CELF2: variants seen among roughly 807,000 people sequenced by gnomAD.
CELF2 encodes the protein CUG triplet repeat RNA-binding protein 2.
In CELF2, 8 loss-of-function variants were observed where a neutral mutation model predicts 62.6. The observed-to-expected ratio is 0.13, with a 90% CI of 0.07 to 0.23. The LOEUF is 0.23. Among genes scored for constraint, CELF2 ranks in the 10% least tolerant of loss-of-function variants. The probability of loss-of-function intolerance (pLI) is 1.00; values close to 1 mark genes in which losing one functional copy is unlikely to be tolerated. For missense variants in CELF2, 333 were observed against 671.0 expected (o/e 0.50, Z 5.56); for synonymous variants, 258 against 250.0 (o/e 1.03, Z -0.30).
rs142571685 is a variant in CELF2 at position 11,297,701 on chromosome 10, C to A, written c.976+9149C>A. ...AAATCTGTAATGGGGCCAGTCATGG[C>A]AGTTCACACCTGTAATCCCAGCACT... On this transcript the variant is annotated intron_variant, in intron 9 of 12. Transcript: ENST00000633077. This position sits in a 1 kb window ranked among gnomAD's most constrained non-coding sequence, Gnocchi z 4.4. Among the ~76,000 whole-genome samples, 197 of 152,328 alleles carry A rather than the reference C, an allele frequency of 1.3e-3. No individual in the cohort carries two copies. The highest frequency in any genetic ancestry group is 4.5e-3 in the African/African-American group (189 of 41,572).
chr10:11,076,530 T>C (rs750913042), intron 1 of CELF2, among the ~76,000 whole-genome samples: 17 of 152,202 alleles, frequency 1.1e-4, no homozygotes, highest in Non-Finnish European at 1.2e-4. Flanking sequence ...AGGTGAAAGC[T>C]TCTAAGAATG....
At position 11,244,685 on chromosome 10, in the gene CELF2, A is replaced by G. The variant is rs1353316121; in HGVS notation, c.355-4468A>G. ...AAAAAAAAAAAACAGCATAAAAACA[A>G]CAACAACTTCCGTTGCTTCCTCTGT... On this transcript the variant is annotated intron_variant, in intron 3 of 12. Transcript: ENST00000633077. This position sits in a 1 kb window ranked among gnomAD's most constrained non-coding sequence, Gnocchi z 4.2. Among the ~76,000 whole-genome samples, 3 of 151,800 alleles carry G rather than the reference A, an allele frequency of 2.0e-5. No homozygotes were observed. Among genetic ancestry groups the G allele is most frequent in the Admixed American group, 2.0e-4 (3 of 15,256 alleles).
the CELF2 span, among the ~76,000 whole-genome samples, chr10:10,722,476 A>G: frequency 6.6e-6 from 1 of 151,858 alleles, no homozygotes; most frequent in Admixed American, 6.6e-5. Flanking sequence ...AAAAGAAATT[A>G]AATAAGGGCA....
Position 11,025,941 on chromosome 10 carries a change from C to G in CELF2, c.74+7778C>G, listed in dbSNP as rs532077486. 8.1e-4 allele frequency among the ~76,000 whole-genome samples: 124 copies of G among 152,376 alleles called. 2 individuals carry two copies. The highest frequency in any genetic ancestry group is 2.8e-3 in the African/African-American group (116 of 41,588). ...CATGTTACTGGGTGAAAAGCTCAGA[C>G]TCTTTCCCTTTTGAGGGCCTCTTTT... On this transcript the variant is annotated intron_variant, in intron 1 of 12. Transcript: ENST00000633077.
chr10:10,506,748 C>A, the CELF2 span, among the ~76,000 whole-genome samples: 1 of 119,522 alleles, frequency 8.4e-6, no homozygotes, highest in South Asian at 2.9e-4. Flanking sequence ...GCAATCTTGG[C>A]TCACTGCAAC....
the CELF2 span, among the ~76,000 whole-genome samples, chr10:10,558,203 C>T: frequency 6.2e-4 from 95 of 152,228 alleles, no homozygotes; most frequent in African/African-American, 2.1e-3. Flanking sequence ...TTTTGAAATG[C>T]GTCCCATCAA....
chr10:10,784,695 A>G, the CELF2 span: 1 of 152,336 alleles, frequency 6.6e-6, no homozygotes, highest in East Asian at 1.9e-4. Context: ...TTTGGGGTTT[A>G]TGTGGGTACA....
At chr10:10,982,955 T>G (rs953881051) in intron 2 of CELF2, among the ~76,000 whole-genome samples, 1 of 152,212 alleles carries the variant, frequency 6.6e-6, no homozygotes, top group Non-Finnish European at 1.5e-5. Context: ...TGCTTTTGTA[T>G]GTATTCATTT....
intron 1 of CELF2, among the ~76,000 whole-genome samples, chr10:11,126,189 T>C (rs959862635): frequency 6.6e-6 from 1 of 152,220 alleles, no homozygotes; most frequent in Non-Finnish European, 1.5e-5. Flanking sequence ...CTCTGTGTTT[T>C]TATTTTTAAT....
At chr10:10,902,553 A>G (rs138616874) in intron 1 of CELF2, among the ~76,000 whole-genome samples, 124 of 152,334 alleles carry the variant, frequency 8.1e-4, no homozygotes, top group Non-Finnish European at 1.5e-3. Context: ...ATGGAAACTT[A>G]CGTAGAGTGA....
the CELF2 span, among the ~76,000 whole-genome samples, chr10:10,627,759 C>A: frequency 6.6e-6 from 1 of 152,210 alleles, no homozygotes; most frequent in African/African-American, 2.4e-5. Context: ...CTACACTTTT[C>A]ATTAAACTTT....
intron 1 of CELF2, among the ~76,000 whole-genome samples, chr10:10,904,641 C>G (rs2063191763): frequency 6.6e-6 from 1 of 152,178 alleles, no homozygotes; most frequent in Non-Finnish European, 1.5e-5. Flanking sequence ...CCTGGGCATG[C>G]AGGTTGTTTC....
At position 11,314,071 on chromosome 10, in the gene CELF2, G is replaced by A; in HGVS notation, c.977-68G>A. 1 of 1,486,206 alleles carries A rather than the reference G, an allele frequency of 6.7e-7. No homozygotes were observed. The highest frequency in any genetic ancestry group is 1.2e-5 in the South Asian group (1 of 80,982). 92.1% of individuals were successfully genotyped at this position (1,486,206 alleles called of 1,614,324 possible). A position where few individuals can be genotyped will look rare whatever the true frequency, so the allele number is the denominator to read the frequency against. ...CCGTCCACTGAGATGATGACAGAAG[G>A]ATTTCCAGTCTCGGCTCTCACTCAC... On this transcript the variant is annotated intron_variant, in intron 9 of 12. Coordinates refer to ENST00000633077, the MANE Select transcript of CELF2 (RefSeq NM_001326342.2). This position sits in a 1 kb window ranked among gnomAD's most constrained non-coding sequence, Gnocchi z 5.3.
At chr10:10,780,593 G>C in the CELF2 span, among the ~76,000 whole-genome samples, 2 of 152,154 alleles carry the variant, frequency 1.3e-5, no homozygotes, top group African/African-American at 2.4e-5. Flanking sequence ...CGATTCTCCT[G>C]CCTCAGCCTC....
chr10:10,736,022 T>C, the CELF2 span, among the ~76,000 whole-genome samples: 1 of 152,192 alleles, frequency 6.6e-6, no homozygotes, highest in Non-Finnish European at 1.5e-5. Context: ...CAAACCTCAA[T>C]GGATTTAATT....
chr10:11,118,361 CTT>C (rs2057017238), intron 1 of CELF2, among the ~76,000 whole-genome samples: 1 of 151,994 alleles, frequency 6.6e-6, no homozygotes, highest in Non-Finnish European at 1.5e-5. Flanking sequence ...TATGGGGAGT[CTT>C]TTTGTGTTGC....
At chr10:10,836,997 A>G (rs1423508656) in intron 1 of CELF2, among the ~76,000 whole-genome samples, 3 of 152,154 alleles carry the variant, frequency 2.0e-5, no homozygotes, top group Non-Finnish European at 4.4e-5. Flanking sequence ...AACTAATCCT[A>G]AGTATTTCTT....
At chr10:11,148,279 G>T (rs1446325272) in intron 1 of CELF2, among the ~76,000 whole-genome samples, 1 of 152,246 alleles carries the variant, frequency 6.6e-6, no homozygotes, top group African/African-American at 2.4e-5. Context: ...ACCCTAAGCT[G>T]TGGGCATTGC....
chr10:11,328,825 C>T lies in CELF2; in HGVS notation c.1439-101C>T, dbSNP rs1026462708. ...CTGTGCTGGGCCCGTGGGGCTGGCA[C>T]CTCATGCTGGCTCTTCAGCCTTCCC... On this transcript the variant is annotated intron_variant, in intron 12 of 12. Coordinates refer to ENST00000633077, the MANE Select transcript of CELF2 (RefSeq NM_001326342.2). This position sits in a 1 kb window ranked among gnomAD's most constrained non-coding sequence, Gnocchi z 6.4. 2.9e-6 allele frequency: 4 copies of T among 1,391,292 alleles called. No individual in the cohort carries two copies. The highest frequency in any genetic ancestry group is 2.4e-5 in the East Asian group (1 of 41,744). 86.2% of individuals were successfully genotyped at this position (1,391,292 alleles called of 1,614,324 possible).
Sources: allele counts gnomAD v4.1 joint callset (sites outside exome capture counted in the v4.1 genomes callset), GRCh38; gene constraint gnomAD v4.1.1; non-coding constraint Gnocchi (gnomAD v3.1); transcripts MANE v1.5; gene names NCBI Gene and HGNC (gene_info 2026-07-23, HGNC 2026-07-21).